The following BCKDHB variants were observed in gnomAD, a reference collection of about 807,000 sequenced individuals.
BCKDHB encodes the protein branched chain keto acid dehydrogenase E1 subunit beta.
In BCKDHB, 41 loss-of-function variants were observed where a neutral mutation model predicts 48.5. The observed-to-expected ratio is 0.85, with a 90% CI of 0.66 to 1.10. The LOEUF is 1.10. Among genes scored for constraint, BCKDHB ranks in the 50% least tolerant of loss-of-function variants. The pLI is 0.00. For synonymous variants in BCKDHB, 201 were observed against 174.8 expected (o/e 1.15, Z -1.18); for missense variants, 496 against 494.2 (o/e 1.00, Z -0.03).
At chr6:80,443,785 A>G in the BCKDHB span, among the ~76,000 whole-genome samples, 1 of 152,124 alleles carries the variant, frequency 6.6e-6, no homozygotes, top group Non-Finnish European at 1.5e-5. Context: ...CTGGGATTAC[A>G]GGCTATTCAC....
the BCKDHB span, among the ~76,000 whole-genome samples, chr6:80,428,204 A>T: frequency 2.0e-5 from 3 of 152,160 alleles, no homozygotes; most frequent in African/African-American, 7.2e-5. Flanking sequence ...ACATGAATTC[A>T]TCCTTTTCTA....
chr6:80,386,032 T>A, the BCKDHB span, among the ~76,000 whole-genome samples: 4 of 152,202 alleles, frequency 2.6e-5, no homozygotes. Flanking sequence ...ATGCCTGATC[T>A]CCCTTGGTTT....
At chr6:80,400,971 TC>T in the BCKDHB span, among the ~76,000 whole-genome samples, 1 of 151,282 alleles carries the variant, frequency 6.6e-6, no homozygotes, top group Non-Finnish European at 1.5e-5. Context: ...GGAACACAAA[TC>T]CACATACCAT....
the BCKDHB span, among the ~76,000 whole-genome samples, chr6:80,380,384 T>C: frequency 2.0e-5 from 3 of 152,008 alleles, no homozygotes; most frequent in Non-Finnish European, 4.4e-5. Context: ...GCTAGCTATC[T>C]GTGGAAGGAT....
At chr6:80,124,842 G>T (rs531021349) in intron 1 of BCKDHB, among the ~76,000 whole-genome samples, 1 of 152,248 alleles carries the variant, frequency 6.6e-6, no homozygotes, top group East Asian at 1.9e-4. Context: ...ATCATTCAGG[G>T]TTTGTTGTTT....
chr6:80,398,463 A>G, the BCKDHB span, among the ~76,000 whole-genome samples: 4 of 152,032 alleles, frequency 2.6e-5, no homozygotes, highest in African/African-American at 7.3e-5. Context: ...GTGCAGACAA[A>G]CCAGAAAACA....
intron 8 of BCKDHB, among the ~76,000 whole-genome samples, chr6:80,217,292 C>T (rs1237263539): frequency 4.6e-5 from 7 of 152,088 alleles, no homozygotes; most frequent in Non-Finnish European, 7.4e-5. Context: ...TCTTACCAGC[C>T]ATGAATAGTC....
intron 8 of BCKDHB, among the ~76,000 whole-genome samples, chr6:80,269,606 T>A (rs1777651891): frequency 6.6e-6 from 1 of 152,008 alleles, no homozygotes; most frequent in Non-Finnish European, 1.5e-5. Context: ...GTTGGAGAAG[T>A]AGATACTTGC....
At chr6:80,166,785 A>C (rs545629838) in intron 3 of BCKDHB, among the ~76,000 whole-genome samples, 6 of 152,206 alleles carry the variant, frequency 3.9e-5, no homozygotes, top group Non-Finnish European at 8.8e-5. Flanking sequence ...TTGGATTTGT[A>C]GTCCAGTATA....
At chr6:80,454,440 G>A in the BCKDHB span, among the ~76,000 whole-genome samples, 2 of 152,238 alleles carry the variant, frequency 1.3e-5, no homozygotes, top group South Asian at 4.2e-4. Flanking sequence ...TGAACTTGCT[G>A]AGCTGGAAAG....
chr6:80,264,719 G>T (rs1777441669), intron 8 of BCKDHB, among the ~76,000 whole-genome samples: 1 of 152,112 alleles, frequency 6.6e-6, no homozygotes, highest in Admixed American at 6.6e-5. Context: ...TTTAAGAAAA[G>T]AGGACATGGT....
intron 6 of BCKDHB, among the ~76,000 whole-genome samples, chr6:80,199,340 G>C (rs1233681280): frequency 6.6e-6 from 1 of 152,144 alleles, no homozygotes; most frequent in African/African-American, 2.4e-5. Flanking sequence ...CTAACTGGGA[G>C]CCTTCCAGAG....
intron 3 of BCKDHB, among the ~76,000 whole-genome samples, chr6:80,130,587 C>G (rs915178267): frequency 1.3e-5 from 2 of 152,128 alleles, no homozygotes; most frequent in African/African-American, 2.4e-5. Flanking sequence ...TTTTCCTGAT[C>G]ATTTAGACTC....
intron 3 of BCKDHB, among the ~76,000 whole-genome samples, chr6:80,161,269 A>C (rs1772302797): frequency 6.6e-6 from 1 of 150,576 alleles, no homozygotes. Context: ...TTAAATTATT[A>C]TATATTTTAG....
intron 8 of BCKDHB, among the ~76,000 whole-genome samples, chr6:80,216,285 G>T (rs554672372): frequency 6.6e-6 from 1 of 152,244 alleles, no homozygotes; most frequent in South Asian, 2.1e-4. Context: ...GAGTTTTGCT[G>T]ATCAAATGCT....
At chr6:80,414,213 T>C in the BCKDHB span, among the ~76,000 whole-genome samples, 25 of 152,188 alleles carry the variant, frequency 1.6e-4, no homozygotes, top group Admixed American at 1.6e-3. Context: ...GATTGTCAGA[T>C]GCTTTGCAAA....
chr6:80,171,421 A>G (rs1772910571), intron 6 of BCKDHB, 31 bp downstream of exon 6: 1 of 1,296,366 alleles, frequency 7.7e-7, no homozygotes. Flanking sequence ...ATATTTGTGA[A>G]TATCTTTATA....
chr6:80,328,940 A>C (rs1031278008), intron 9 of BCKDHB, among the ~76,000 whole-genome samples: 3 of 152,204 alleles, frequency 2.0e-5, no homozygotes, highest in Non-Finnish European at 2.9e-5. Context: ...ATCTTTGTGC[A>C]TGTTGCTAGG....
chr6:80,452,221 G>T, the BCKDHB span, among the ~76,000 whole-genome samples: 1 of 152,172 alleles, frequency 6.6e-6, no homozygotes, highest in Non-Finnish European at 1.5e-5. Context: ...ATAGTGTGTC[G>T]TAGGACCAAG....
Sources: gnomAD v4.1 joint callset for allele counts (sites outside exome capture counted in the v4.1 genomes callset) on GRCh38, gnomAD v4.1.1 for gene constraint, MANE v1.5 for transcripts, NCBI Gene and HGNC (gene_info 2026-07-23, HGNC 2026-07-21) for gene names.